Variants in DZIP1L observed in about 807,000 individuals in gnomAD.
DZIP1L encodes DAZ interacting zinc finger protein 1 like, also known as cilium assembly protein DZIP1L.
In DZIP1L, 90 loss-of-function variants were observed where a neutral mutation model predicts 88.7. That is an observed-to-expected ratio of 1.02 (90% CI 0.86 to 1.21). The LOEUF (loss-of-function observed/expected upper bound fraction) is 1.21, where lower values mean the gene tolerates loss of function less well. DZIP1L is among the 50% of genes most tolerant of loss of function. DZIP1L has a pLI of 0.00. For missense variants in DZIP1L, 932 were observed against 955.8 expected (o/e 0.98, Z 0.33); for synonymous variants, 363 against 372.1 (o/e 0.98, Z 0.28).
chr3:138,068,277 G>C lies in DZIP1L; in HGVS notation c.1706C>G (p.Pro569Arg), dbSNP rs1226781485. Reference protein sequence around the residue: ...QVALPSTPAEPPPPTRQSHGS... With the variant: ...QVALPSTPAERPPPTRQSHGS... ...ATGGCTCTGACGAGTTGGTGGGGGT[G>C]GCTCTGCCGGTGTGGATGGCAAGGC... Residue 569 changes from proline to arginine, a missense_variant, in exon 13 of 16, where the codon CCA becomes CGA. Coordinates refer to ENST00000327532, the MANE Select transcript of DZIP1L (RefSeq NM_173543.3). The C allele has an allele frequency of 1.3e-6, 2 of 1,598,478 alleles. No individual in the cohort carries two copies.
intron 12 of DZIP1L, among the ~76,000 whole-genome samples, chr3:138,069,453 C>T (rs747190011): frequency 1.3e-5 from 2 of 152,190 alleles, no homozygotes; most frequent in Non-Finnish European, 2.9e-5. Flanking sequence ...GTTTGCGCCC[C>T]TGACCCCTGC....
chr3:138,095,913 C>G (rs974798548), intron 3 of DZIP1L, among the ~76,000 whole-genome samples: 2 of 151,980 alleles, frequency 1.3e-5, no homozygotes, highest in Admixed American at 6.6e-5. Flanking sequence ...TAAAAAACAT[C>G]CTAACTAAAC....
intron 5 of DZIP1L, among the ~76,000 whole-genome samples, chr3:138,090,143 AAAATAAATAAAT>A (rs577330479): frequency 1.3e-5 from 2 of 151,950 alleles, no homozygotes; most frequent in African/African-American, 4.8e-5. Context: ...CCATCTTAAA[AAAATAAATAAAT>A]AAATAAATAA....
intron 2 of DZIP1L, chr3:138,102,259 C>A: frequency 7.0e-7 from 1 of 1,438,512 alleles, no homozygotes. Context: ...AAGTTGATCT[C>A]GTCAGTCAGC....
chr3:138,076,919 A>G (rs1418956884), intron 11 of DZIP1L, among the ~76,000 whole-genome samples: 1 of 152,184 alleles, frequency 6.6e-6, no homozygotes, highest in Non-Finnish European at 1.5e-5. Flanking sequence ...AAAAAATTAA[A>G]TTTCAGATAT....
In DZIP1L at chr3:138,104,005, A is replaced by T. The variant is rs2042407114; in HGVS notation, c.-34T>A. 2 of 1,580,316 alleles carry T rather than the reference A, an allele frequency of 1.3e-6. No individual in the cohort carries two copies. Among genetic ancestry groups the T allele is most frequent in the East Asian group, 4.5e-5 (2 of 44,688 alleles). On this transcript the variant is annotated 5_prime_UTR_variant, in exon 2 of 16. Coordinates refer to ENST00000327532, the MANE Select transcript of DZIP1L (RefSeq NM_173543.3). Reference sequence around the variant, plus strand: ...GAAGCCCTGAGCTGACCACCAGAGGAGGGGGGCACCAAGGCCACGGCAGTA... The same window carrying T: ...GAAGCCCTGAGCTGACCACCAGAGGTGGGGGGCACCAAGGCCACGGCAGTA...
intron 6 of DZIP1L, among the ~76,000 whole-genome samples, chr3:138,087,339 T>C (rs1943991599): frequency 6.6e-6 from 1 of 152,152 alleles, no homozygotes; most frequent in Non-Finnish European, 1.5e-5. Context: ...CAAAAAGTAC[T>C]AAAAGAAAAC....
At chr3:138,066,936 G>A (rs758550171) in intron 14 of DZIP1L, among the ~76,000 whole-genome samples, 6 of 152,100 alleles carry the variant, frequency 3.9e-5, no homozygotes, top group Non-Finnish European at 5.9e-5. Flanking sequence ...GACCCTCCCC[G>A]CCCCTGTGGC....
Position 138,103,588 on chromosome 3 carries a change from C to T in DZIP1L, c.384G>A (p.Glu128=), listed in dbSNP as rs779954284. The T allele has an allele frequency of 7.5e-6, 12 of 1,607,348 alleles. No individual in the cohort carries two copies. In the African/African-American group the frequency reaches 1.3e-4, roughly 18 times the overall value. ...TGAGCTCGTCAGCCTGGCGTCCCAG[C>T]TCCTGCTGACCACGCTGCTGCTGGC... is the stretch of plus-strand genomic sequence containing the variant. ...SLGQQQRGQQ[E]LGRQADELKG... The change falls in exon 2 of 16, where the codon GAG becomes GAA. Residue 128 remains glutamate (E), a synonymous_variant. Coordinates refer to ENST00000327532, the MANE Select transcript of DZIP1L (RefSeq NM_173543.3).
At chr3:138,082,221 T>C (rs1317691329) in intron 8 of DZIP1L, among the ~76,000 whole-genome samples, 1 of 152,138 alleles carries the variant, frequency 6.6e-6, no homozygotes, top group Non-Finnish European at 1.5e-5. Flanking sequence ...CACTGAACTG[T>C]CTGCTCAACC....
At chr3:138,076,315 G>A (rs537621392) in intron 11 of DZIP1L, among the ~76,000 whole-genome samples, 1 of 152,342 alleles carries the variant, frequency 6.6e-6, no homozygotes, top group South Asian at 2.1e-4. Context: ...CTGTTGGTGG[G>A]AATGTAAACT....
intron 2 of DZIP1L, among the ~76,000 whole-genome samples, chr3:138,103,141 A>T (rs2042373104): frequency 1.3e-5 from 2 of 149,562 alleles, no homozygotes; most frequent in African/African-American, 4.9e-5. Context: ...CATTAAACAC[A>T]CACACATGTT....
At chr3:138,074,372 C>T (rs937802175) in intron 11 of DZIP1L, among the ~76,000 whole-genome samples, 2 of 152,102 alleles carry the variant, frequency 1.3e-5, no homozygotes, top group East Asian at 3.9e-4. Context: ...CAGCAGAAAC[C>T]CTACAAGCTA....
At chr3:138,095,020 GT>G (rs1432973852) in intron 3 of DZIP1L, 37 bp from the exon 4 acceptor site, 1 of 1,613,014 alleles carries the variant, frequency 6.2e-7, no homozygotes, top group Admixed American at 1.7e-5. Context: ...ACCAGTTTAA[GT>G]CCAAAAATCA....
chr3:138,082,411 G>C (rs1446255827), intron 8 of DZIP1L, among the ~76,000 whole-genome samples: 3 of 152,170 alleles, frequency 2.0e-5, no homozygotes, highest in Non-Finnish European at 4.4e-5. Context: ...GGTTTTTCTT[G>C]GTTCGTATAT....
chr3:138,071,222 C>T (rs1425052761), intron 12 of DZIP1L, among the ~76,000 whole-genome samples: 3 of 152,224 alleles, frequency 2.0e-5, no homozygotes, highest in Non-Finnish European at 2.9e-5. Context: ...TCAATGCTCC[C>T]GGGCCTCTGC....
At chr3:138,094,589 T>G (rs1010941740) in intron 4 of DZIP1L, among the ~76,000 whole-genome samples, 2 of 152,258 alleles carry the variant, frequency 1.3e-5, no homozygotes, top group Non-Finnish European at 2.9e-5. Context: ...AAGCTAAAAT[T>G]CAGGTTCAAA....
intron 11 of DZIP1L, 69 bp downstream of exon 11, chr3:138,077,430 G>T: frequency 6.3e-7 from 1 of 1,584,284 alleles, no homozygotes; most frequent in Admixed American, 1.7e-5. Flanking sequence ...TCGATCATTT[G>T]TCTGTCTGAG....
rs2042351441 is a variant in DZIP1L at position 138,102,507 on chromosome 3, T to C, written c.501+964A>G. ...TGTTGATGTAGCTCTGAACATGTTG[T>C]CCATGTTAACTCTGAGCCGTCTTCT... On this transcript the variant is annotated intron_variant, in intron 2 of 15. Coordinates refer to ENST00000327532, the MANE Select transcript of DZIP1L (RefSeq NM_173543.3). The C allele has an allele frequency of 4.5e-6, 6 of 1,323,256 alleles. No homozygotes were observed. In the South Asian group the frequency reaches 5.9e-5, roughly 13 times the overall value. The allele number at this position is 1,323,256 out of a possible 1,614,324, so 82.0% of individuals were successfully genotyped here.
Sources: gnomAD v4.1 joint callset for allele counts (sites outside exome capture counted in the v4.1 genomes callset) on GRCh38, gnomAD v4.1.1 for gene constraint, MANE v1.5 for transcripts, NCBI Gene and HGNC (gene_info 2026-07-23, HGNC 2026-07-21) for gene names.